MBTD1: variants seen among roughly 807,000 people sequenced by gnomAD.
MBTD1 encodes the protein mbt domain containing 1.
In MBTD1, 24 loss-of-function variants were observed where a neutral mutation model predicts 87.8. That is an observed-to-expected ratio of 0.27 (90% confidence interval 0.20 to 0.38). The LOEUF is 0.38. MBTD1 is among the 10% of genes least tolerant of loss of function. MBTD1 has a pLI of 1.00. For missense variants in MBTD1, 436 were observed against 760.2 expected (o/e 0.57, Z 5.02); for synonymous variants, 237 against 248.6 (o/e 0.95, Z 0.44).
intron 16 of MBTD1, chr17:51,184,685 A>C (rs2050455575): frequency 6.6e-6 from 1 of 152,222 alleles, no homozygotes; most frequent in African/African-American, 2.4e-5. Context: ...AAAATGTGAC[A>C]TACATCTTCA....
chr17:51,236,934 G>A (rs2143938273), intron 2 of MBTD1, among the ~76,000 whole-genome samples: 1 of 152,110 alleles, frequency 6.6e-6, no homozygotes, highest in Admixed American at 6.5e-5. Context: ...AAACTTCTGG[G>A]AAAAATATTA....
chr17:51,181,150 C>A (rs1042142658), intron 16 of MBTD1, among the ~76,000 whole-genome samples: 1 of 151,864 alleles, frequency 6.6e-6, no homozygotes, highest in Non-Finnish European at 1.5e-5. Context: ...CACCGCCCCC[C>A]CAAGTAGGTG....
chr17:51,217,017 AC>A (rs1465680242), intron 6 of MBTD1, among the ~76,000 whole-genome samples: 1 of 152,226 alleles, frequency 6.6e-6, no homozygotes, highest in Non-Finnish European at 1.5e-5. Flanking sequence ...CCTGGGCAAC[AC>A]AGCGAGACCA....
chr17:51,217,558 C>G, intron 5 of MBTD1, 142 bp from the exon 6 acceptor site: 1 of 524,012 alleles, frequency 1.9e-6, no homozygotes, highest in South Asian at 3.0e-5. Context: ...GATCAAATAA[C>G]TTCTCTAAAT....
intron 12 of MBTD1, among the ~76,000 whole-genome samples, chr17:51,196,225 CTTT>C (rs770871296): frequency 1.5e-5 from 2 of 134,626 alleles, no homozygotes. Context: ...CCCACCCTGC[CTTT>C]TTTTTTTTTT....
intron 2 of MBTD1, among the ~76,000 whole-genome samples, chr17:51,231,169 C>T (rs1457160462): frequency 3.3e-5 from 5 of 152,184 alleles, no homozygotes; most frequent in Non-Finnish European, 7.3e-5. Context: ...AACTCCTGAC[C>T]TTGTGATCTG....
At chr17:51,255,619 G>A (rs142626684) in intron 2 of MBTD1, among the ~76,000 whole-genome samples, 3,291 of 146,060 alleles carry the variant, frequency 0.023, 76 homozygotes, top group Non-Finnish European at 0.028. Context: ...TTTTTGAGAC[G>A]GAGTCTCACT....
chr17:51,187,209 G>A lies in MBTD1; in HGVS notation c.1768+4994C>T, dbSNP rs369818506. 2.6e-3 allele frequency among the ~76,000 whole-genome samples: 394 copies of A among 152,124 alleles called. 1 individual carries two copies. The highest frequency in any genetic ancestry group is 9.2e-3 in the African/African-American group (382 of 41,500). ...ATGCCAAGGCAGAAGAATGAGGATG[G>A]CTTCAGGCCAGGAGTTTCAGACCAG... On this transcript the variant is annotated intron_variant, in intron 16 of 16. Coordinates refer to ENST00000586178, the MANE Select transcript of MBTD1 (RefSeq NM_017643.3).
Position 51,195,280 on chromosome 17 carries a change from T to A in MBTD1, c.1306A>T (p.Thr436Ser). The change falls in exon 13 of 17, where the codon ACC becomes TCC. Residue 436 changes from threonine (T) to serine (S), a missense_variant. Thr to Ser is a moderately conservative substitution (Grantham distance 58). Around this residue, in one of 5 missense-constraint regions of MBTD1, gnomAD observed 268 missense variants for 401.8 expected, o/e 0.67. Coordinates refer to ENST00000586178, the MANE Select transcript of MBTD1 (RefSeq NM_017643.3). ...DGSDWFCYHA[T>S]SPSIFPVGFC... is the part of the protein sequence containing the mutation. Reference sequence around the variant, plus strand: ...CCGACAGGGAAAATAGAAGGAGAGGTTGCATGGTAACAGAACCAGTCAGAT... The same window carrying A: ...CCGACAGGGAAAATAGAAGGAGAGGATGCATGGTAACAGAACCAGTCAGAT... 1 of 1,613,282 alleles carries A rather than the reference T, an allele frequency of 6.2e-7. No individual in the cohort carries two copies. Among genetic ancestry groups the A allele is most frequent in the Non-Finnish European group, 8.5e-7 (1 of 1,179,494 alleles).
intron 2 of MBTD1, among the ~76,000 whole-genome samples, chr17:51,226,774 G>A (rs1157204051): frequency 6.6e-6 from 1 of 151,574 alleles, no homozygotes; most frequent in Non-Finnish European, 1.5e-5. Flanking sequence ...TGGGACTACA[G>A]GTGAGTGCCA....
At chr17:51,247,822 G>C (rs1038734501) in intron 2 of MBTD1, among the ~76,000 whole-genome samples, 14 of 152,180 alleles carry the variant, frequency 9.2e-5, no homozygotes, top group Non-Finnish European at 1.8e-4. Context: ...GGAGTATCTG[G>C]TCAGGCAGAA....
chr17:51,235,161 A>G (rs2053763233), intron 2 of MBTD1, among the ~76,000 whole-genome samples: 1 of 151,906 alleles, frequency 6.6e-6, no homozygotes, highest in South Asian at 2.1e-4. Flanking sequence ...TTTGAGACAG[A>G]GTCTCACTGT....
chr17:51,223,344 G>A (rs183611132), intron 3 of MBTD1, among the ~76,000 whole-genome samples: 31 of 150,324 alleles, frequency 2.1e-4, no homozygotes, highest in Admixed American at 1.9e-3. Context: ...ACCAGCCTGG[G>A]CAATATGGTG....
intron 16 of MBTD1, among the ~76,000 whole-genome samples, chr17:51,191,165 T>TAA (rs558656613): frequency 1.7e-4 from 25 of 151,156 alleles, no homozygotes; most frequent in Non-Finnish European, 1.3e-4. Context: ...GGAAATAAGA[T>TAA]AAAAAAAATC....
At position 51,180,580 on chromosome 17, in the gene MBTD1, G is replaced by C; in HGVS notation, c.1883C>G (p.Pro628Arg). The C allele has an allele frequency of 6.5e-7, 1 of 1,536,040 alleles. No homozygotes were observed. Among genetic ancestry groups the C allele is most frequent in the South Asian group, 1.2e-5 (1 of 83,548 alleles). ...GCCCTCAGTTTCTAAGCCACCTCAT[G>C]GCTCTTGTTTGATGTAGAAGTTGGC... Reference protein sequence around the residue: ...GSANFYIKQEP With the variant: ...GSANFYIKQER The change falls in exon 17 of 17, where the codon CCA (proline) becomes CGA (arginine). Residue 628 changes from proline to arginine, a missense_variant. Pro to Arg is a moderately radical substitution (Grantham distance 103). Coordinates refer to ENST00000586178, the MANE Select transcript of MBTD1 (RefSeq NM_017643.3).
chr17:51,212,885 T>A (rs1208591640), intron 6 of MBTD1, among the ~76,000 whole-genome samples: 2 of 151,836 alleles, frequency 1.3e-5, no homozygotes, highest in African/African-American at 4.8e-5. Flanking sequence ...GCCTCCCAAG[T>A]CTAGCTAATT....
chr17:51,217,540 T>C, intron 5 of MBTD1, 124 bp from the exon 6 acceptor site: 2 of 537,404 alleles, frequency 3.7e-6, no homozygotes, highest in Non-Finnish European at 3.2e-6. Flanking sequence ...ACGTTTTCTT[T>C]ATGTAAAGAT....
At chr17:51,247,113 T>C (rs1278567792) in intron 2 of MBTD1, among the ~76,000 whole-genome samples, 1 of 152,174 alleles carries the variant, frequency 6.6e-6, no homozygotes, top group African/African-American at 2.4e-5. Context: ...ATAAAAATAT[T>C]GTATGTTAAG....
At chr17:51,260,949 G>A (rs761031410), upstream of MBTD1, 6 of 1,500,378 alleles carry the variant, frequency 4.0e-6, no homozygotes, top group African/African-American at 2.9e-5. Flanking sequence ...GCGGCGCGCG[G>A]GCTGGGCGCA....
Sources: gnomAD v4.1 joint callset for allele counts (sites outside exome capture counted in the v4.1 genomes callset) on GRCh38, gnomAD v4.1.1 for gene constraint, gnomAD v4.1.1 regional missense constraint, MANE v1.5 for transcripts, NCBI Gene and HGNC (gene_info 2026-07-23, HGNC 2026-07-21) for gene names.